The following CTNND2 variants were observed in gnomAD, a reference collection of about 807,000 sequenced individuals.
CTNND2 encodes the protein catenin delta-2.
A neutral mutation model predicts 144.4 loss-of-function variants in CTNND2; 22 were observed. That is an observed-to-expected ratio of 0.15 (90% CI 0.11 to 0.22). The LOEUF is 0.22. CTNND2 is among the 10% of genes least tolerant of loss of function. CTNND2 has a pLI of 1.00. For missense variants in CTNND2, 1,353 were observed against 1,618.8 expected (o/e 0.84, Z 2.82); for synonymous variants, 751 against 695.6 (o/e 1.08, Z -1.25).
At chr5:11,261,992 C>A (rs147077040) in intron 9 of CTNND2, among the ~76,000 whole-genome samples, 1 of 152,078 alleles carries the variant, frequency 6.6e-6, no homozygotes, top group East Asian at 1.9e-4. Context: ...AACATATCTA[C>A]GCCTTAGTTA....
chr5:11,784,527 A>C (rs1189905478), intron 1 of CTNND2, among the ~76,000 whole-genome samples: 3 of 152,214 alleles, frequency 2.0e-5, no homozygotes, highest in Non-Finnish European at 2.9e-5. Context: ...ATATCCTTCC[A>C]TTGATTAGAC....
At chr5:11,755,378 T>A (rs2126793698) in intron 1 of CTNND2, among the ~76,000 whole-genome samples, 1 of 151,824 alleles carries the variant, frequency 6.6e-6, no homozygotes, top group African/African-American at 2.4e-5. Context: ...TTAATATTTT[T>A]TTCTTTCACT....
intron 2 of CTNND2, among the ~76,000 whole-genome samples, chr5:11,710,756 G>A (rs879788303): frequency 6.6e-6 from 1 of 152,142 alleles, no homozygotes; most frequent in Non-Finnish European, 1.5e-5. Context: ...AGTTACAGCT[G>A]AAGGTCCGGG....
At chr5:11,145,985 C>T (rs1009600766) in intron 12 of CTNND2, among the ~76,000 whole-genome samples, 17 of 152,192 alleles carry the variant, frequency 1.1e-4, no homozygotes, top group African/African-American at 4.1e-4. Flanking sequence ...CTCCTTCTTC[C>T]CCCGGACAGA....
chr5:11,880,896 CATT>C (rs1441858607), intron 1 of CTNND2, among the ~76,000 whole-genome samples: 1 of 139,956 alleles, frequency 7.1e-6, no homozygotes, highest in African/African-American at 2.7e-5. Context: ...CTACTACTAC[CATT>C]ACTACTACTA....
Position 11,123,812 on chromosome 5 carries a change from AG to A in CTNND2, c.2160-6246del, listed in dbSNP as rs201008916. ...TAGGAAATTCAATGTGGAAAGGTAG[AG>A]TACTTCTTGAATGGCCATGAAGCCA... On this transcript the variant is annotated intron_variant, in intron 12 of 21. Transcript: ENST00000304623. Among the ~76,000 whole-genome samples the A allele has an allele frequency of 3.6e-3, 552 of 152,336 alleles. 7 individuals are homozygous for A. In the East Asian group the frequency reaches 0.053, roughly 15 times the overall value.
chr5:11,521,201 T>A (rs1311217295), intron 3 of CTNND2, among the ~76,000 whole-genome samples: 1 of 152,226 alleles, frequency 6.6e-6, no homozygotes, highest in Non-Finnish European at 1.5e-5. Context: ...TATTTCTTAA[T>A]GTTTTTTACC....
chr5:11,452,903 G>A (rs1053277511), intron 3 of CTNND2, among the ~76,000 whole-genome samples: 3 of 152,296 alleles, frequency 2.0e-5, no homozygotes, highest in East Asian at 1.9e-4. Flanking sequence ...CAATTGTAGG[G>A]TGAAGAAAAA....
chr5:11,745,959 A>C (rs1413587334), intron 1 of CTNND2, among the ~76,000 whole-genome samples: 2 of 152,196 alleles, frequency 1.3e-5, no homozygotes, highest in Non-Finnish European at 2.9e-5. Context: ...ACTATATTTT[A>C]TATTTTATTC....
In CTNND2 at chr5:11,128,987, A is replaced by AT. The variant is rs1454567272; in HGVS notation, c.2160-11421dup. 7.9e-3 allele frequency among the ~76,000 whole-genome samples: 390 copies of AT among 49,412 alleles called. 46 individuals are homozygous for AT. The highest frequency in any genetic ancestry group is 0.012 in the Non-Finnish European group (312 of 25,770). The allele number at this position is 49,412 out of a possible 152,430, so 32.4% of individuals were successfully genotyped here. On this transcript the variant is annotated intron_variant, in intron 12 of 21. Coordinates refer to ENST00000304623, the MANE Select transcript of CTNND2 (RefSeq NM_001332.4). The stretch of plus-strand genomic sequence containing the variant: ...TATAATATATAATATATAAATATAT[A>AT]TAATATATAATATATAAATATATAT...
At chr5:11,213,590 C>T (rs1406177923) in intron 10 of CTNND2, among the ~76,000 whole-genome samples, 7 of 152,130 alleles carry the variant, frequency 4.6e-5, no homozygotes, top group Non-Finnish European at 8.8e-5. Context: ...AGAAAATACA[C>T]ATTTGGTGCA....
intron 1 of CTNND2, among the ~76,000 whole-genome samples, chr5:11,891,422 TCC>T (rs1310192652): frequency 6.6e-6 from 1 of 152,170 alleles, no homozygotes. Context: ...GCTGGTTTCA[TCC>T]TGTGGTCTCT....
chr5:11,314,307 T>G (rs756677000), intron 9 of CTNND2, among the ~76,000 whole-genome samples: 6 of 152,204 alleles, frequency 3.9e-5, no homozygotes, highest in Non-Finnish European at 8.8e-5. Flanking sequence ...TCTGGATTCC[T>G]GTCTGCTCCC....
intron 1 of CTNND2, among the ~76,000 whole-genome samples, chr5:11,763,100 CCTT>C (rs1297238710): frequency 2.0e-5 from 3 of 149,940 alleles, no homozygotes; most frequent in Non-Finnish European, 4.5e-5. Flanking sequence ...AGCACTTCCT[CCTT>C]CACTCTCTCT....
intron 8 of CTNND2, among the ~76,000 whole-genome samples, chr5:11,360,930 C>G (rs1233901875): frequency 6.6e-6 from 1 of 152,162 alleles, no homozygotes; most frequent in African/African-American, 2.4e-5. Flanking sequence ...AAATAAATGT[C>G]TATCTATTTT....
intron 3 of CTNND2, among the ~76,000 whole-genome samples, chr5:11,419,069 T>G (rs31880): frequency 0.073 from 10,789 of 148,490 alleles, 447 homozygotes; most frequent in South Asian, 0.13. Context: ...GATATATATA[T>G]AGAGAGAGAG....
intron 9 of CTNND2, among the ~76,000 whole-genome samples, chr5:11,250,118 T>C (rs1743405391): frequency 6.6e-6 from 1 of 152,144 alleles, no homozygotes; most frequent in Non-Finnish European, 1.5e-5. Flanking sequence ...TTTCTTTAAA[T>C]ATAAAATGTG....
rs78941141 is a variant in CTNND2, at chr5:11,278,021, T to C, written c.1629-41198A>G. Among the ~76,000 whole-genome samples, 66 of 152,330 alleles carry C rather than the reference T, an allele frequency of 4.3e-4. No homozygotes were observed. In the East Asian group the frequency reaches 0.012, roughly 28 times the overall value. On this transcript the variant is annotated intron_variant, in intron 9 of 21. Transcript: ENST00000304623. Reference sequence around the variant, plus strand: ...TAGTTACTTCTTTTCTTAGGGACTTTATCTTGGCTCCAACACCTCTGTCCT... The same window carrying C: ...TAGTTACTTCTTTTCTTAGGGACTTCATCTTGGCTCCAACACCTCTGTCCT...
Position 11,773,851 on chromosome 5 carries a change from T to G in CTNND2, c.38-41579A>C, listed in dbSNP as rs189952379. 3.3e-5 allele frequency among the ~76,000 whole-genome samples: 5 copies of G among 150,736 alleles called. No homozygotes were observed. The East Asian group carries it at 5.8e-4, about 18-fold the overall frequency. On this transcript the variant is annotated intron_variant, in intron 1 of 21. Transcript: ENST00000304623. ...AAAAGCATACAACAAACATGCAAAT[T>G]TATAACCAATCAATTTTAAAAGGAA...
Sources: gnomAD v4.1 joint callset for allele counts (sites outside exome capture counted in the v4.1 genomes callset) on GRCh38, gnomAD v4.1.1 for gene constraint, MANE v1.5 for transcripts, NCBI Gene and HGNC (gene_info 2026-07-23, HGNC 2026-07-21) for gene names.